DGKB: variants seen among roughly 807,000 people sequenced by gnomAD.
DGKB encodes 90 kDa diacylglycerol kinase.
DGKB carries 67 observed loss-of-function variants against 114.3 expected under a neutral mutation model. The observed-to-expected ratio is 0.59, with a 90% CI of 0.48 to 0.72. DGKB has a LOEUF of 0.72. Among genes scored for constraint, DGKB ranks in the 30% least tolerant of loss-of-function variants. The probability of loss-of-function intolerance (pLI) is 0.00; values close to 1 mark genes in which losing one functional copy is unlikely to be tolerated. For synonymous variants in DGKB, 398 were observed against 323.1 expected (o/e 1.23, Z -2.49); for missense variants, 907 against 975.2 (o/e 0.93, Z 0.93).
chr7:14,306,932 G>T (rs907902214), intron 23 of DGKB, among the ~76,000 whole-genome samples: 11 of 152,026 alleles, frequency 7.2e-5, no homozygotes, highest in African/African-American at 2.7e-4. Context: ...TACCTAATTT[G>T]TTCCTGTTCT....
intron 20 of DGKB, among the ~76,000 whole-genome samples, chr7:14,494,212 C>T (rs1185736678): frequency 6.6e-6 from 1 of 151,856 alleles, no homozygotes; most frequent in Non-Finnish European, 1.5e-5. Flanking sequence ...GGAAGTATTC[C>T]TTAAAAGAGT....
rs1451835129 is a variant in DGKB, at chr7:14,569,575, A to G, written c.1770+4637T>C. ...TTGTGCCATCCCTATACTAAGTTCC[A>G]ATATGTGTCTCTGTACTTCCTCATT... On this transcript the variant is annotated intron_variant, in intron 20 of 25. Transcript: ENST00000402815. Among the ~76,000 whole-genome samples the G allele has an allele frequency of 2.6e-5, 4 of 152,132 alleles. No homozygotes were observed. The East Asian group carries it at 7.7e-4, about 29-fold the overall frequency.
At chr7:14,199,078 G>A (rs7779876) in intron 23 of DGKB, among the ~76,000 whole-genome samples, 1 of 151,694 alleles carries the variant, frequency 6.6e-6, no homozygotes, top group Non-Finnish European at 1.5e-5. Context: ...ACTGACCTTA[G>A]ATTGTGATTA....
At chr7:14,563,183 C>T (rs1796924666) in intron 20 of DGKB, among the ~76,000 whole-genome samples, 1 of 152,144 alleles carries the variant, frequency 6.6e-6, no homozygotes, top group South Asian at 2.1e-4. Context: ...ATTGGGAGGC[C>T]TCCCCAGCCA....
At chr7:14,844,684 A>G (rs1848396844) in intron 1 of DGKB, among the ~76,000 whole-genome samples, 1 of 152,154 alleles carries the variant, frequency 6.6e-6, no homozygotes, top group Non-Finnish European at 1.5e-5. Context: ...GTGTCCTTGG[A>G]TGGTCATGAA....
At chr7:14,224,430 C>G (rs1790461871) in intron 23 of DGKB, among the ~76,000 whole-genome samples, 2 of 151,816 alleles carry the variant, frequency 1.3e-5, no homozygotes, top group South Asian at 4.2e-4. Context: ...TGATTTCTTA[C>G]TTCTGTGTAC....
chr7:14,789,499 G>C (rs929912833), intron 2 of DGKB, among the ~76,000 whole-genome samples: 3 of 152,140 alleles, frequency 2.0e-5, no homozygotes, highest in African/African-American at 7.2e-5. Flanking sequence ...ACCAGTTGAA[G>C]ACTATCTGGG....
chr7:14,811,921 T>TAAA (rs1843496998), intron 2 of DGKB, among the ~76,000 whole-genome samples: 1 of 152,092 alleles, frequency 6.6e-6, no homozygotes, highest in African/African-American at 2.4e-5. Context: ...AACTGAAACC[T>TAAA]CTTTACTCAT....
At chr7:14,478,797 T>C (rs1031098691) in intron 20 of DGKB, among the ~76,000 whole-genome samples, 2 of 121,748 alleles carry the variant, frequency 1.6e-5, no homozygotes, top group Admixed American at 8.4e-5. Context: ...CATAGCTCGT[T>C]GAATAGAAAA....
At position 14,213,102 on chromosome 7, in the gene DGKB, A is replaced by G. The variant is rs1364877190; in HGVS notation, c.2123-34951T>C. Among the ~76,000 whole-genome samples, 7 of 151,964 alleles carry G rather than the reference A, an allele frequency of 4.6e-5. No homozygotes were observed. In the East Asian group the frequency reaches 1.4e-3, roughly 29 times the overall value. On this transcript the variant is annotated intron_variant, in intron 23 of 25. Transcript: ENST00000402815. ...TTGAAATATATCAGTTTTGTATATC[A>G]ATTTTTATAAAAAAATGGTAACACA...
intron 12 of DGKB, among the ~76,000 whole-genome samples, chr7:14,680,703 T>C (rs755655414): frequency 9.9e-5 from 15 of 151,972 alleles, no homozygotes; most frequent in Non-Finnish European, 1.8e-4. Flanking sequence ...AGGACAGTGG[T>C]TCTCATGACT....
chr7:14,501,306 T>A (rs1786131660), intron 20 of DGKB, among the ~76,000 whole-genome samples: 2 of 151,882 alleles, frequency 1.3e-5, no homozygotes, highest in Admixed American at 1.3e-4. Context: ...AAGGACAGTG[T>A]CCCAAAGTAG....
intron 21 of DGKB, among the ~76,000 whole-genome samples, chr7:14,467,191 ATTAC>A (rs1393562031): frequency 3.3e-5 from 5 of 149,266 alleles, no homozygotes; most frequent in Admixed American, 2.7e-4. Context: ...TAATTATTTT[ATTAC>A]TTACTGTTTT....
At chr7:14,287,546 A>G (rs901789300) in intron 23 of DGKB, among the ~76,000 whole-genome samples, 1 of 152,148 alleles carries the variant, frequency 6.6e-6, no homozygotes, top group Non-Finnish European at 1.5e-5. Context: ...ACTTATTTCT[A>G]CCGCACGGTC....
intron 1 of DGKB, among the ~76,000 whole-genome samples, chr7:14,854,499 C>G (rs755888477): frequency 2.6e-5 from 4 of 152,160 alleles, no homozygotes; most frequent in Non-Finnish European, 4.4e-5. Context: ...AACTGTTCCA[C>G]CTCAGATCAT....
At position 14,284,075 on chromosome 7, in the gene DGKB, G is replaced by A. The variant is rs1206527659; in HGVS notation, c.2122+54440C>T. 3.3e-5 allele frequency among the ~76,000 whole-genome samples: 5 copies of A among 152,164 alleles called. No individual in the cohort carries two copies. The East Asian group carries it at 9.6e-4, about 29-fold the overall frequency. ...AAGAAACTACCATCAGAGTGAACAGGCAACCTACAAAATGGGAGAAAATTT... is the reference window on the plus strand; with the variant it reads ...AAGAAACTACCATCAGAGTGAACAGACAACCTACAAAATGGGAGAAAATTT... On this transcript the variant is annotated intron_variant, in intron 23 of 25. Transcript: ENST00000402815.
chr7:14,277,687 A>G (rs907884740), intron 23 of DGKB, among the ~76,000 whole-genome samples: 7 of 152,300 alleles, frequency 4.6e-5, no homozygotes, highest in Middle Eastern at 3.4e-3. Flanking sequence ...GGCTGATTCC[A>G]TATCTTAACC....
chr7:14,882,335 T>C (rs984657289), intron 1 of DGKB, among the ~76,000 whole-genome samples: 2 of 152,176 alleles, frequency 1.3e-5, no homozygotes, highest in South Asian at 2.1e-4. Flanking sequence ...CATATCTTCT[T>C]TGCTCACAAT....
rs533302469 is a variant in DGKB, at chr7:14,675,454, G to A, written c.1036-2427C>T. ...GGCATTTAGGCTAGTTTCCCAGAAGGAAGGAAAGAATCGAAGACTCAGATA... is the reference window on the plus strand; with the variant it reads ...GGCATTTAGGCTAGTTTCCCAGAAGAAAGGAAAGAATCGAAGACTCAGATA... On this transcript the variant is annotated intron_variant, in intron 12 of 25. Coordinates refer to ENST00000402815, the MANE Select transcript of DGKB (RefSeq NM_001350709.2). Among the ~76,000 whole-genome samples, 4 of 152,166 alleles carry A rather than the reference G, an allele frequency of 2.6e-5. No homozygotes were observed. The South Asian group carries it at 6.2e-4, about 24-fold the overall frequency.
Sources: allele counts gnomAD v4.1 joint callset (sites outside exome capture counted in the v4.1 genomes callset), GRCh38; gene constraint gnomAD v4.1.1; transcripts MANE v1.5; gene names NCBI Gene and HGNC (gene_info 2026-07-23, HGNC 2026-07-21).